The following ACER2 variants were observed in gnomAD, a reference collection of about 807,000 sequenced individuals.
ACER2 encodes the protein alkCDase 2.
In ACER2, 26 loss-of-function variants were observed where a neutral mutation model predicts 34.7. The observed-to-expected ratio is 0.75, with a 90% confidence interval of 0.55 to 1.04. ACER2 has a LOEUF of 1.04. Ranked by LOEUF, ACER2 falls within the 50% of genes least tolerant of loss-of-function variation. ACER2 has a pLI of 0.00. For synonymous variants in ACER2, 138 were observed against 132.1 expected, an observed-to-expected ratio of 1.04 and a Z score of -0.31; for missense variants, 352 against 340.8, an observed-to-expected ratio of 1.03 and a Z score of -0.26.
At chr9:19,426,223 T>G (rs1161754071) in intron 3 of ACER2, among the ~76,000 whole-genome samples, 1 of 143,572 alleles carries the variant, frequency 7.0e-6, no homozygotes, top group Non-Finnish European at 1.5e-5. Context: ...GGTTGACTTT[T>G]TTTTTAAAAA....
intron 4 of ACER2, among the ~76,000 whole-genome samples, chr9:19,436,671 A>G (rs190792253): frequency 6.6e-6 from 1 of 152,350 alleles, no homozygotes; most frequent in East Asian, 1.9e-4. Flanking sequence ...ATACAGATCT[A>G]GGTCCTCGTT....
intron 1 of ACER2, among the ~76,000 whole-genome samples, chr9:19,413,649 C>G (rs1301300317): frequency 6.6e-6 from 1 of 150,778 alleles, no homozygotes; most frequent in African/African-American, 2.4e-5. Flanking sequence ...GTCACATAGA[C>G]CTAGCCACTT....
At chr9:19,448,387 C>T (rs945455284) in intron 5 of ACER2, among the ~76,000 whole-genome samples, 3 of 152,076 alleles carry the variant, frequency 2.0e-5, no homozygotes, top group African/African-American at 7.2e-5. Context: ...CATTCCATAC[C>T]AATACATATA....
intron 1 of ACER2, among the ~76,000 whole-genome samples, chr9:19,410,259 C>T (rs1830048421): frequency 6.6e-6 from 1 of 152,228 alleles, no homozygotes; most frequent in South Asian, 2.1e-4. Flanking sequence ...GATGAGAAAA[C>T]TGGGCTCTTG....
In ACER2 at chr9:19,411,271, A is replaced by G. The variant is rs866507962; in HGVS notation, c.108+2079A>G. ...TTCCTTGGAATACTCATAAACCACA[A>G]AATTTGCTCTGGCAAAGCAGAGAGC... On this transcript the variant is annotated intron_variant, in intron 1 of 5. Transcript: ENST00000340967. Among the ~76,000 whole-genome samples the G allele has an allele frequency of 5.3e-5, 8 of 152,378 alleles. 1 individual carries two copies. The Middle Eastern group carries it at 0.014, about 259-fold the overall frequency.
At chr9:19,431,084 A>G (rs370451803) in intron 3 of ACER2, among the ~76,000 whole-genome samples, 74 of 152,242 alleles carry the variant, frequency 4.9e-4, no homozygotes, top group Non-Finnish European at 8.1e-4. Context: ...GGTGATTGCA[A>G]CAGCAGCTCA....
intron 4 of ACER2, among the ~76,000 whole-genome samples, chr9:19,445,056 A>C (rs1307658110): frequency 1.3e-5 from 2 of 152,174 alleles, no homozygotes; most frequent in African/African-American, 4.8e-5. Context: ...GCTTCTTCTC[A>C]ATTGCAGATG....
chr9:19,409,437 C>T (rs950083189), intron 1 of ACER2, among the ~76,000 whole-genome samples: 1 of 152,142 alleles, frequency 6.6e-6, no homozygotes, highest in Non-Finnish European at 1.5e-5. Flanking sequence ...TGTGATGGTC[C>T]TATTGTCTTG....
rs1304153661 is a variant in ACER2 at position 19,434,941 on chromosome 9, A to G, written c.366-6A>G. ...AATGGATTTGGTTTTGCTTTCATGG[A>G]TTCAGGGGTAGGTTCAAGGTGGTGG... On this transcript the variant is annotated splice_polypyrimidine_tract_variant and splice_region_variant and intron_variant, in intron 3 of 5. Transcript: ENST00000340967. 3 of 1,613,086 alleles carry G rather than the reference A, an allele frequency of 1.9e-6. No homozygotes were observed. The African/African-American group carries it at 4.0e-5, about 22-fold the overall frequency.
At chr9:19,420,401 C>T (rs1830368459) in intron 1 of ACER2, among the ~76,000 whole-genome samples, 2 of 152,132 alleles carry the variant, frequency 1.3e-5, no homozygotes, top group South Asian at 4.1e-4. Context: ...CGACATACTT[C>T]TTCTCTGTGC....
At chr9:19,448,767 A>T (rs1831462276) in intron 5 of ACER2, among the ~76,000 whole-genome samples, 1 of 152,182 alleles carries the variant, frequency 6.6e-6, no homozygotes, top group Non-Finnish European at 1.5e-5. Flanking sequence ...TTTGTTGGGC[A>T]TCTTTTCAAA....
rs758496444 is a variant in ACER2, at chr9:19,409,191, C to G, written c.107C>G (p.Thr36Arg). The change falls in exon 1 of 6, where the codon ACG becomes AGG. Residue 36 changes from threonine (T) to arginine (R), a missense_variant and splice_region_variant. Transcript: ENST00000340967. ...CCTGCTATCGCCGAGTTCTACAACA[C>G]GGTGCGGGGCGCGGGAGCGGGGAAG... ...IVPAIAEFYN[T>R]ISNVLFFILP... 1.9e-6 allele frequency: 3 copies of G among 1,580,826 alleles called. No individual in the cohort carries two copies. The highest frequency in any genetic ancestry group is 1.7e-6 in the Non-Finnish European group (2 of 1,163,720).
At chr9:19,424,140 A>G (rs1830492318) in intron 2 of ACER2, among the ~76,000 whole-genome samples, 164 bp downstream of exon 2, 1 of 152,184 alleles carries the variant, frequency 6.6e-6, no homozygotes, top group Admixed American at 6.5e-5. Flanking sequence ...TGCAGGCTTG[A>G]TAACAAAGTT....
chr9:19,446,576 C>A (rs556822303), intron 5 of ACER2, 158 bp downstream of exon 5: 11 of 985,412 alleles, frequency 1.1e-5, no homozygotes, highest in Non-Finnish European at 1.3e-5. Context: ...CCACTGAAAG[C>A]ACACTTTGTA....
rs977316910 is a variant in ACER2 at position 19,452,361 on chromosome 9, TA to T, written c.*1730del. On this transcript the variant is annotated 3_prime_UTR_variant, in exon 6 of 6. Transcript: ENST00000340967. Reference sequence around the variant, plus strand: ...CCAATAAGCAACTGAATTTAGAGTTTAAAAATGAATGACTTTATGCTACATC... The same window carrying T: ...CCAATAAGCAACTGAATTTAGAGTTTAAAATGAATGACTTTATGCTACATC... Among the ~76,000 whole-genome samples the T allele has an allele frequency of 6.6e-5, 10 of 152,198 alleles. No homozygotes were observed. The highest frequency in any genetic ancestry group is 2.4e-4 in the African/African-American group (10 of 41,452).
intron 3 of ACER2, 52 bp downstream of exon 3, chr9:19,424,893 A>T (rs542701407): frequency 3.1e-4 from 489 of 1,601,804 alleles, no homozygotes; most frequent in Non-Finnish European, 5.2e-5. Context: ...AGTACCCAAT[A>T]TAACAATGTA....
intron 1 of ACER2, among the ~76,000 whole-genome samples, chr9:19,411,180 C>T (rs1830074904): frequency 1.3e-5 from 2 of 152,150 alleles, no homozygotes; most frequent in Admixed American, 1.3e-4. Flanking sequence ...TTTTCAGAAA[C>T]TAACTGTTGA....
At chr9:19,430,138 G>T (rs1830706344) in intron 3 of ACER2, among the ~76,000 whole-genome samples, 1 of 142,634 alleles carries the variant, frequency 7.0e-6, no homozygotes, top group Non-Finnish European at 1.5e-5. Flanking sequence ...TTTTTACTGT[G>T]TAAAAAAGCC....
intron 1 of ACER2, among the ~76,000 whole-genome samples, chr9:19,413,603 GA>G (rs11346520): frequency 0.33 from 41,283 of 125,562 alleles, 7,621 homozygotes; most frequent in African/African-American, 0.57. Context: ...CCATCTTAAG[GA>G]AAAAAAAAAA....
Sources: gnomAD v4.1 joint callset for allele counts (sites outside exome capture counted in the v4.1 genomes callset) on GRCh38, gnomAD v4.1.1 for gene constraint, MANE v1.5 for transcripts, NCBI Gene and HGNC (gene_info 2026-07-23, HGNC 2026-07-21) for gene names.